KATNA1: variants seen among roughly 807,000 people sequenced by gnomAD.
The protein encoded by KATNA1 is katanin p60 ATPase-containing subunit A1.
In KATNA1, 42 loss-of-function variants were observed where a neutral mutation model predicts 62.6. The observed-to-expected ratio is 0.67, with a 90% confidence interval of 0.52 to 0.87. The LOEUF (loss-of-function observed/expected upper bound fraction) is 0.87, where lower values mean the gene tolerates loss of function less well. KATNA1 is among the 40% of genes least tolerant of loss of function. The pLI, the probability that KATNA1 is intolerant of heterozygous loss-of-function variation, is 0.00. For synonymous variants in KATNA1, 186 were observed against 201.9 expected, an observed-to-expected ratio of 0.92 and a Z score of 0.67; for missense variants, 498 against 612.5, an observed-to-expected ratio of 0.81 and a Z score of 1.97.
chr6:149,605,504 C>T (rs1457169526), intron 4 of KATNA1, among the ~76,000 whole-genome samples: 19 of 152,120 alleles, frequency 1.2e-4, no homozygotes, highest in Admixed American at 1.1e-3. Context: ...TCATTATTCC[C>T]ACTACCCTCC....
At chr6:149,600,129 T>C (rs1366705134) in intron 7 of KATNA1, among the ~76,000 whole-genome samples, 4 of 145,454 alleles carry the variant, frequency 2.8e-5, no homozygotes, top group Non-Finnish European at 5.9e-5. Flanking sequence ...GGATGCAGTA[T>C]GCTATGATTG....
At chr6:149,627,960 A>G (rs2114592730) in intron 3 of KATNA1, among the ~76,000 whole-genome samples, 1 of 152,106 alleles carries the variant, frequency 6.6e-6, no homozygotes, top group South Asian at 2.1e-4. Context: ...GGCTTGAAAG[A>G]CATGAAAACT....
chr6:149,595,993 T>C (rs1356109534), intron 10 of KATNA1, among the ~76,000 whole-genome samples: 1 of 152,246 alleles, frequency 6.6e-6, no homozygotes, highest in Non-Finnish European at 1.5e-5. Flanking sequence ...CTGTATTCTG[T>C]GCATATGCCA....
chr6:149,623,023 A>G (rs923174650), intron 4 of KATNA1, 80 bp downstream of exon 4: 8 of 1,157,026 alleles, frequency 6.9e-6, no homozygotes, highest in Non-Finnish European at 9.5e-6. Flanking sequence ...GGAAAAAAAG[A>G]AAAAATAAAT....
intron 2 of KATNA1, among the ~76,000 whole-genome samples, chr6:149,634,367 C>T (rs1779989008): frequency 1.3e-5 from 2 of 151,338 alleles, no homozygotes; most frequent in African/African-American, 4.9e-5. Context: ...TAAAGTTCTA[C>T]AAGAATAATT....
chr6:149,597,355 T>C, intron 9 of KATNA1, 152 bp downstream of exon 9: 2 of 1,141,962 alleles, frequency 1.8e-6, no homozygotes, highest in Non-Finnish European at 2.5e-6. Context: ...CCTTACTATT[T>C]AGTATTAAGG....
chr6:149,621,671 T>G (rs1370043331), intron 4 of KATNA1, among the ~76,000 whole-genome samples: 1 of 151,704 alleles, frequency 6.6e-6, no homozygotes, highest in African/African-American at 2.4e-5. Context: ...TTTTGTATTT[T>G]TAGTAGAGAC....
rs1028343986 is a variant in KATNA1, at chr6:149,601,523, G to A, written c.888+71C>T. ...TCCTGCCTAACTATTCCATATACTG[G>A]AGATAGTTACAGCTCACTTTCTCCC... On this transcript the variant is annotated intron_variant, in intron 7 of 10. Coordinates refer to ENST00000367411, the MANE Select transcript of KATNA1 (RefSeq NM_007044.4). 5.4e-5 allele frequency: 74 copies of A among 1,364,082 alleles called. No individual in the cohort carries two copies. In the African/African-American group the frequency reaches 9.9e-4, roughly 18 times the overall value. The allele number at this position is 1,364,082 out of a possible 1,614,324, so 84.5% of individuals were successfully genotyped here.
chr6:149,623,438 T>C (rs1582787355), intron 3 of KATNA1, among the ~76,000 whole-genome samples, 155 bp from the exon 4 acceptor site: 2 of 152,006 alleles, frequency 1.3e-5, no homozygotes, highest in East Asian at 1.9e-4. Context: ...AAACCTAAGA[T>C]CTAAAATTTA....
In KATNA1 at chr6:149,595,210, T is replaced by C; in HGVS notation, c.1302A>G (p.Arg434=). 1 of 1,614,030 alleles carries C rather than the reference T, an allele frequency of 6.2e-7. No individual in the cohort carries two copies. The highest frequency in any genetic ancestry group is 8.5e-7 in the Non-Finnish European group (1 of 1,179,908). Residue 434 remains arginine (R), a synonymous_variant, in exon 11 of 11, where the codon AGA becomes AGG. Transcript: ENST00000367411. Reference sequence around the variant, plus strand: ...CTGGAGTCAAACCTTCAATGCGCCTTCTCATTGCCATCAAGGACGCATCCC... The same window carrying C: ...CTGGAGTCAAACCTTCAATGCGCCTCCTCATTGCCATCAAGGACGCATCCC... The part of the protein sequence containing the change: ...VCRDASLMAM[R]RRIEGLTPEE...
chr6:149,626,656 G>C (rs1779621564), intron 3 of KATNA1, among the ~76,000 whole-genome samples: 1 of 151,464 alleles, frequency 6.6e-6, no homozygotes, highest in African/African-American at 2.4e-5. Context: ...ATGATTTAAA[G>C]CATACAGGAG....
chr6:149,595,289 G>C, intron 10 of KATNA1, 55 bp from the exon 11 acceptor site: 1 of 1,460,192 alleles, frequency 6.8e-7, no homozygotes, highest in Middle Eastern at 1.8e-4. Flanking sequence ...TTGGTTAAAT[G>C]AAAACCTGTT....
At chr6:149,607,449 T>C (rs1778785001) in intron 4 of KATNA1, among the ~76,000 whole-genome samples, 2 of 152,018 alleles carry the variant, frequency 1.3e-5, no homozygotes, top group African/African-American at 2.4e-5. Flanking sequence ...CCCTCTCTAC[T>C]AAAAATACAA....
At chr6:149,613,210 A>AAAAAAAAAAAAAAAC (rs1779031974) in intron 4 of KATNA1, among the ~76,000 whole-genome samples, 1 of 140,288 alleles carries the variant, frequency 7.1e-6, no homozygotes, top group African/African-American at 2.8e-5. Flanking sequence ...AAAAAAAAAA[A>AAAAAAAAAAAAAAAC]AAAAAAAGAA....
In KATNA1 at chr6:149,631,205, C is replaced by G. The variant is rs925839410; in HGVS notation, c.320+1554G>C. The stretch of plus-strand genomic sequence containing the variant: ...ACGAGGTCAGGAGTTCGAGACCAGT[C>G]TGGCCAACATGTTGAAACCCTGTCT... On this transcript the variant is annotated intron_variant, in intron 3 of 10. Coordinates refer to ENST00000367411, the MANE Select transcript of KATNA1 (RefSeq NM_007044.4). Among the ~76,000 whole-genome samples the G allele has an allele frequency of 7.2e-5, 11 of 152,076 alleles. 1 individual carries two copies. The East Asian group carries it at 1.9e-3, about 27-fold the overall frequency.
In KATNA1 at chr6:149,617,649, A is replaced by C. The variant is rs557194221; in HGVS notation, c.501+5454T>G. 2.9e-4 allele frequency among the ~76,000 whole-genome samples: 43 copies of C among 148,750 alleles called. No homozygotes were observed. In the East Asian group the frequency reaches 6.9e-3, roughly 24 times the overall value. On this transcript the variant is annotated intron_variant, in intron 4 of 10. Transcript: ENST00000367411. ...ACCCTGTCTCCACTACAAATACAAA[A>C]TATTGCCAGACGAGGTGGCTCACGC... is the stretch of plus-strand genomic sequence containing the variant.
At chr6:149,608,978 A>C (rs554817653) in intron 4 of KATNA1, among the ~76,000 whole-genome samples, 2 of 152,368 alleles carry the variant, frequency 1.3e-5, no homozygotes, top group South Asian at 4.1e-4. Flanking sequence ...CTCATGATAT[A>C]ATATGAAAAT....
At chr6:149,612,718 C>T (rs9399693) in intron 4 of KATNA1, among the ~76,000 whole-genome samples, 67,327 of 151,650 alleles carry the variant, frequency 0.44, 16,067 homozygotes, top group East Asian at 0.81. Flanking sequence ...CAAAATATTA[C>T]CAAATAGAAT....
chr6:149,646,331 G>GA (rs1006759790), intron 1 of KATNA1, among the ~76,000 whole-genome samples: 3 of 152,138 alleles, frequency 2.0e-5, no homozygotes, highest in African/African-American at 7.2e-5. Flanking sequence ...GGCTGAAAGT[G>GA]TTTTTTAAAT....
Sources: gnomAD v4.1 joint callset for allele counts (sites outside exome capture counted in the v4.1 genomes callset) on GRCh38, gnomAD v4.1.1 for gene constraint, MANE v1.5 for transcripts, NCBI Gene and HGNC (gene_info 2026-07-23, HGNC 2026-07-21) for gene names.